The following NAGS variants were observed in gnomAD, a reference collection of about 807,000 sequenced individuals.
NAGS encodes the protein N-acetylglutamate synthase, mitochondrial.
Under a neutral mutation model 46.9 loss-of-function variants are expected in NAGS, and 34 were observed. The ratio of observed to expected loss-of-function variants is 0.72; its 90% CI spans 0.55 to 0.97. The LOEUF (loss-of-function observed/expected upper bound fraction) is 0.97. NAGS is among the 50% of genes least tolerant of loss of function. The pLI is 0.00. For missense variants in NAGS, 665 were observed against 747.0 expected (o/e 0.89, Z 1.28); for synonymous variants, 334 against 346.3 (o/e 0.96, Z 0.39).
rs758080404 is a variant in NAGS at position 44,006,233 on chromosome 17, A to G, written c.911A>G (p.His304Arg). ...ACAGGCGGCCTGCGCGACAGCAGTC[A>G]TAAGGTGCGGCCCTTTCTTTCACCT... ...NNTGGLRDSS[H>R]KVLSNVNLPA... is the part of the protein sequence containing the mutation. Residue 304 changes from histidine (H) to arginine (R), a missense_variant, in exon 3 of 7, where the codon CAT becomes CGT. Transcript: ENST00000293404. The surrounding 1 kb of genome is among the most constrained non-coding windows in gnomAD (Gnocchi z 4.8). 1.2e-6 allele frequency: 2 copies of G among 1,613,100 alleles called. No homozygotes were observed. The highest frequency in any genetic ancestry group is 1.1e-5 in the South Asian group (1 of 91,060).
rs1191583584 is a variant in NAGS, at chr17:44,004,670, A to G, written c.7A>G (p.Thr3Ala). The change falls in exon 1 of 7, where the codon ACG becomes GCG. Residue 3 changes from threonine (T) to alanine (A), a missense_variant. Physicochemically the swap from Thr to Ala is moderately conservative, Grantham distance 58 (BLOSUM62 0). Transcript: ENST00000293404. The stretch of plus-strand genomic sequence containing the variant: ...GCAAGAGTTGGTTGTCGTCATGGCG[A>G]CGGCGCTGATGGCTGTGGTTCTGCG... MATALMAVVLRAA... is the reference protein window; with the variant it reads MAAALMAVVLRAA... 5.9e-6 allele frequency: 9 copies of G among 1,533,656 alleles called. No homozygotes were observed. The highest frequency in any genetic ancestry group is 7.9e-6 in the Non-Finnish European group (9 of 1,138,066).
In NAGS at chr17:44,005,946, G is replaced by C. The variant is rs1046230783; in HGVS notation, c.701+35G>C. 4 of 1,550,208 alleles carry C rather than the reference G, an allele frequency of 2.6e-6. No individual in the cohort carries two copies. Among genetic ancestry groups the C allele is most frequent in the South Asian group, 1.2e-5 (1 of 85,070 alleles). On this transcript the variant is annotated intron_variant, in intron 2 of 6. Coordinates refer to ENST00000293404, the MANE Select transcript of NAGS (RefSeq NM_153006.3). This position sits in a 1 kb window ranked among gnomAD's most constrained non-coding sequence, Gnocchi z 7.2. ...CGCCCTGCCCGCCCAGGCGTCCTCA[G>C]AGCGTGCTACTCTGCCCGCCCTGCC...
chr17:44,006,374 A>T lies in NAGS; in HGVS notation c.915+137A>T. On this transcript the variant is annotated intron_variant, in intron 3 of 6. Coordinates refer to ENST00000293404, the MANE Select transcript of NAGS (RefSeq NM_153006.3). This position sits in a 1 kb window ranked among gnomAD's most constrained non-coding sequence, Gnocchi z 4.8. Reference sequence around the variant, plus strand: ...AAAGCCTAAGGGAGTATAGGGGAGGAGTTCAGCCCTGGGTGCCCAGATCTG... The same window carrying T: ...AAAGCCTAAGGGAGTATAGGGGAGGTGTTCAGCCCTGGGTGCCCAGATCTG... 1 of 1,439,220 alleles carries T rather than the reference A, an allele frequency of 6.9e-7. No homozygotes were observed. Among genetic ancestry groups the T allele is most frequent in the Non-Finnish European group, 9.5e-7 (1 of 1,048,934 alleles). 89.2% of individuals were successfully genotyped at this position (1,439,220 alleles called of 1,614,324 possible).
In NAGS at chr17:44,006,453, A is replaced by C; in HGVS notation, c.916-76A>C. 6.5e-7 allele frequency: 1 copy of C among 1,538,208 alleles called. No individual in the cohort carries two copies. Among genetic ancestry groups the C allele is most frequent in the South Asian group, 1.2e-5 (1 of 83,592 alleles). On this transcript the variant is annotated intron_variant, in intron 3 of 6. Coordinates refer to ENST00000293404, the MANE Select transcript of NAGS (RefSeq NM_153006.3). The surrounding 1 kb of genome is among the most constrained non-coding windows in gnomAD (Gnocchi z 4.8). Reference sequence around the variant, plus strand: ...GAAGTAAGGATAAAGGGGTCAGAGAAAAGAGAGGTCCGTGGGGGTAGGGGG... The same window carrying C: ...GAAGTAAGGATAAAGGGGTCAGAGACAAGAGAGGTCCGTGGGGGTAGGGGG...
Position 44,006,174 on chromosome 17 carries a change from G to A in NAGS, c.852G>A (p.Ala284=), listed in dbSNP as rs781691544. The change falls in exon 3 of 7, where the codon GCG becomes GCA. Residue 284 remains alanine, a synonymous_variant. Coordinates refer to ENST00000293404, the MANE Select transcript of NAGS (RefSeq NM_153006.3). The surrounding 1 kb of genome is among the most constrained non-coding windows in gnomAD (Gnocchi z 4.8). ...SLEVTASLAK[A]LRPTKIIFLN... is the part of the protein sequence containing the mutation. Reference sequence around the variant, plus strand: ...AGGTGACCGCGTCGCTGGCCAAGGCGCTGCGGCCCACCAAAATCATCTTCC... The same window carrying A: ...AGGTGACCGCGTCGCTGGCCAAGGCACTGCGGCCCACCAAAATCATCTTCC... 7 of 1,613,406 alleles carry A rather than the reference G, an allele frequency of 4.3e-6. No individual in the cohort carries two copies. The East Asian group carries it at 8.9e-5, about 21-fold the overall frequency.
At position 44,006,587 on chromosome 17, in the gene NAGS, T is replaced by C. The variant is rs2049095167; in HGVS notation, c.974T>C (p.Val325Ala). 1.9e-6 allele frequency: 3 copies of C among 1,592,624 alleles called. No individual in the cohort carries two copies. Residue 325 changes from valine (V) to alanine (A), a missense_variant, in exon 4 of 7, where the codon GTG (valine) becomes GCG (alanine). Coordinates refer to ENST00000293404, the MANE Select transcript of NAGS (RefSeq NM_153006.3). The surrounding 1 kb of genome is among the most constrained non-coding windows in gnomAD (Gnocchi z 4.8). ...DLDLVCNAEW[V>A]STKERQQMRL... ...GACCTGGTGTGCAACGCCGAGTGGG[T>C]GAGCACAAAAGAACGGCAGCAGATG...
In NAGS at chr17:44,005,558, A is replaced by C; in HGVS notation, c.427-79A>C. 6.5e-7 allele frequency: 1 copy of C among 1,550,272 alleles called. No homozygotes were observed. Among genetic ancestry groups the C allele is most frequent in the East Asian group, 2.4e-5 (1 of 41,976 alleles). ...AGCTTCTGGAAGGGTAGGGTCACCGAGACGGCCCTGCAGGCCAGGCTGTGG... is the reference window on the plus strand; with the variant it reads ...AGCTTCTGGAAGGGTAGGGTCACCGCGACGGCCCTGCAGGCCAGGCTGTGG... On this transcript the variant is annotated intron_variant, in intron 1 of 6. Coordinates refer to ENST00000293404, the MANE Select transcript of NAGS (RefSeq NM_153006.3). The surrounding 1 kb of genome is among the most constrained non-coding windows in gnomAD (Gnocchi z 7.2).
Position 44,007,054 on chromosome 17 carries a change from G to A in NAGS, c.1097-269G>A, listed in dbSNP as rs944252805. 8 of 581,422 alleles carry A rather than the reference G, an allele frequency of 1.4e-5. No individual in the cohort carries two copies. Among genetic ancestry groups the A allele is most frequent in the Non-Finnish European group, 2.1e-5 (7 of 328,498 alleles). 36.0% of individuals were successfully genotyped at this position (581,422 alleles called of 1,614,324 possible). A position where few individuals can be genotyped will look rare whatever the true frequency, so the allele number is the denominator to read the frequency against. The stretch of plus-strand genomic sequence containing the variant: ...AGGTGGGTGGGCCGGGTCAGCGGCG[G>A]GAGACAGACTTCAAGGAGCGAGGCA... On this transcript the variant is annotated intron_variant, in intron 4 of 6. Transcript: ENST00000293404. This position sits in a 1 kb window ranked among gnomAD's most constrained non-coding sequence, Gnocchi z 5.1.
In NAGS at chr17:44,006,216, C is replaced by T. The variant is rs773006573; in HGVS notation, c.894C>T (p.Gly298=). 1.1e-5 allele frequency: 18 copies of T among 1,613,162 alleles called. No homozygotes were observed. Among genetic ancestry groups the T allele is most frequent in the African/African-American group, 9.3e-5 (7 of 74,948 alleles). ...TKIIFLNNTG[G]LRDSSHKVLS... ...TCATCTTCCTCAATAACACAGGCGG[C>T]CTGCGCGACAGCAGTCATAAGGTGC... is the stretch of plus-strand genomic sequence containing the variant. The change falls in exon 3 of 7, where the codon GGC becomes GGT. Residue 298 remains glycine, a synonymous_variant. Transcript: ENST00000293404. The surrounding 1 kb of genome is among the most constrained non-coding windows in gnomAD (Gnocchi z 4.8).
chr17:44,007,175 C>A lies in NAGS; in HGVS notation c.1097-148C>A. 1.4e-6 allele frequency: 1 copy of A among 732,438 alleles called. No homozygotes were observed. Among genetic ancestry groups the A allele is most frequent in the Non-Finnish European group, 2.2e-6 (1 of 453,178 alleles). The allele number at this position is 732,438 out of a possible 1,614,324, so 45.4% of individuals were successfully genotyped here. On this transcript the variant is annotated intron_variant, in intron 4 of 6. Transcript: ENST00000293404. This position sits in a 1 kb window ranked among gnomAD's most constrained non-coding sequence, Gnocchi z 5.1. ...CATCTCCTTGAATGAAAATCACAGA[C>A]AAATCTATGCAGACCACTGAAATCA... is the stretch of plus-strand genomic sequence containing the variant.
chr17:44,007,883 C>A lies in NAGS; in HGVS notation c.1451+110C>A. 1 of 1,092,380 alleles carries A rather than the reference C, an allele frequency of 9.2e-7. No individual in the cohort carries two copies. The allele number at this position is 1,092,380 out of a possible 1,614,324, so 67.7% of individuals were successfully genotyped here. ...GCTTCCTCTTCTTCCACTGGTCTCC[C>A]TTTCACTACCTCCCAGGGGCAGAAC... On this transcript the variant is annotated intron_variant, in intron 6 of 6. Transcript: ENST00000293404. The surrounding 1 kb of genome is among the most constrained non-coding windows in gnomAD (Gnocchi z 5.1).
rs747172658 is a variant in NAGS at position 44,004,767 on chromosome 17, C to T, written c.104C>T (p.Ala35Val). The T allele has an allele frequency of 7.2e-7, 1 of 1,397,204 alleles. No homozygotes were observed. The highest frequency in any genetic ancestry group is 9.2e-7 in the Non-Finnish European group (1 of 1,081,824). The allele number at this position is 1,397,204 out of a possible 1,614,324, so 86.6% of individuals were successfully genotyped here. Residue 35 changes from alanine (A) to valine (V), a missense_variant, in exon 1 of 7, where the codon GCG becomes GTG. By Grantham distance (64) the Ala-to-Val change is moderately conservative. Coordinates refer to ENST00000293404, the MANE Select transcript of NAGS (RefSeq NM_153006.3). ...TGGARRLSCG[A>V]RRRAARGTSP... ...GGCGCCCGAAGGCTGAGCTGTGGCGCGCGGCGGCGGGCGGCGAGGGGCACC... is the reference window on the plus strand; with the variant it reads ...GGCGCCCGAAGGCTGAGCTGTGGCGTGCGGCGGCGGGCGGCGAGGGGCACC...
In NAGS at chr17:44,005,280, G is replaced by A. The variant is rs986412140; in HGVS notation, c.426+191G>A. ...CCTCCGGAAGCCTCCCGCCCAGCCC[G>A]AGTGAGGATCCTGGGGGACCCCACC... On this transcript the variant is annotated intron_variant, in intron 1 of 6. Transcript: ENST00000293404. This position sits in a 1 kb window ranked among gnomAD's most constrained non-coding sequence, Gnocchi z 7.2. 6.6e-6 allele frequency among the ~76,000 whole-genome samples: 1 copy of A among 152,198 alleles called. No homozygotes were observed. The highest frequency in any genetic ancestry group is 2.4e-5 in the African/African-American group (1 of 41,462).
At position 44,006,730 on chromosome 17, in the gene NAGS, G is replaced by C; in HGVS notation, c.1096+21G>C. 1 of 1,578,006 alleles carries C rather than the reference G, an allele frequency of 6.3e-7. No homozygotes were observed. The highest frequency in any genetic ancestry group is 8.6e-7 in the Non-Finnish European group (1 of 1,158,562). ...CAAGGGTGAGGGCGGTGGGCGGGCC[G>C]GGGACTGGGTCCCGGGAGTGAGTAC... On this transcript the variant is annotated intron_variant, in intron 4 of 6. Coordinates refer to ENST00000293404, the MANE Select transcript of NAGS (RefSeq NM_153006.3). This position sits in a 1 kb window ranked among gnomAD's most constrained non-coding sequence, Gnocchi z 4.8.
At position 44,005,890 on chromosome 17, in the gene NAGS, C is replaced by A; in HGVS notation, c.680C>A (p.Ala227Asp). The A allele has an allele frequency of 6.5e-7, 1 of 1,547,884 alleles. No homozygotes were observed. Among genetic ancestry groups the A allele is most frequent in the South Asian group, 1.2e-5 (1 of 84,552 alleles). Residue 227 changes from alanine to aspartate, a missense_variant, in exon 2 of 7, where the codon GCC (alanine) becomes GAC (aspartate). Physicochemically the swap from Ala to Asp is moderately radical, Grantham distance 126. Coordinates refer to ENST00000293404, the MANE Select transcript of NAGS (RefSeq NM_153006.3). This position sits in a 1 kb window ranked among gnomAD's most constrained non-coding sequence, Gnocchi z 7.2. ...FFGGGSVLRAAEPAPHASYGG... is the reference protein window; with the variant it reads ...FFGGGSVLRADEPAPHASYGG... Reference sequence around the variant, plus strand: ...GGCGGCGGGTCTGTGCTACGCGCTGCCGAGCCGGCTCCCCATGCCAGGTGA... The same window carrying A: ...GGCGGCGGGTCTGTGCTACGCGCTGACGAGCCGGCTCCCCATGCCAGGTGA...
chr17:44,008,573 A>C lies in NAGS; in HGVS notation c.1577A>C (p.His526Pro). 6.2e-7 allele frequency: 1 copy of C among 1,614,178 alleles called. No individual in the cohort carries two copies. The highest frequency in any genetic ancestry group is 8.5e-7 in the Non-Finnish European group (1 of 1,180,022). Residue 526 changes from histidine (H) to proline (P), a missense_variant, in exon 7 of 7, where the codon CAC (histidine) becomes CCC (proline). Physicochemically the swap from His to Pro is moderately conservative, Grantham distance 77 (BLOSUM62 -2). Transcript: ENST00000293404. ...NHAKGLPDSF[H>P]KPASDPGS Reference sequence around the variant, plus strand: ...GCCAAGGGACTGCCAGACTCCTTTCACAAGCCAGCTTCTGACCCAGGCAGC... The same window carrying C: ...GCCAAGGGACTGCCAGACTCCTTTCCCAAGCCAGCTTCTGACCCAGGCAGC...
chr17:44,008,356 C>T, intron 6 of NAGS, 92 bp from the exon 7 acceptor site: 2 of 1,496,222 alleles, frequency 1.3e-6, no homozygotes, highest in African/African-American at 1.4e-5. Context: ...GCAGTAGGTC[C>T]TCAATCAATG....
rs910094479 is a variant in NAGS, at chr17:44,007,733, C to G, written c.1411C>G (p.Leu471Val). 3.8e-6 allele frequency: 6 copies of G among 1,595,478 alleles called. No individual in the cohort carries two copies. The East Asian group carries it at 1.1e-4, about 30-fold the overall frequency. Residue 471 changes from leucine to valine, a missense_variant, in exon 6 of 7, where the codon CTT becomes GTT. Transcript: ENST00000293404. This position sits in a 1 kb window ranked among gnomAD's most constrained non-coding sequence, Gnocchi z 5.1. ...GTGCCTGCGGCGGGACCTTCAGACACTTTTCTGGCGCTCCCGGGTCACCAA... is the reference window on the plus strand; with the variant it reads ...GTGCCTGCGGCGGGACCTTCAGACAGTTTTCTGGCGCTCCCGGGTCACCAA... ...WECLRRDLQTLFWRSRVTNPI... is the reference protein window; with the variant it reads ...WECLRRDLQTVFWRSRVTNPI...
rs147955201 is a variant in NAGS at position 44,006,336 on chromosome 17, C to T, written c.915+99C>T. 6.4e-5 allele frequency: 97 copies of T among 1,505,320 alleles called. No individual in the cohort carries two copies. In the African/African-American group the frequency reaches 1.3e-3, roughly 20 times the overall value. The allele number at this position is 1,505,320 out of a possible 1,614,324, so 93.2% of individuals were successfully genotyped here. A position where few individuals can be genotyped will look rare whatever the true frequency, so the allele number is the denominator to read the frequency against. On this transcript the variant is annotated intron_variant, in intron 3 of 6. Transcript: ENST00000293404. This position sits in a 1 kb window ranked among gnomAD's most constrained non-coding sequence, Gnocchi z 4.8. ...GACGGGCCGCAGACTCACTAGCAAG[C>T]CGGGTGGGTAGAAAAGCCTAAGGGA...
Sources: gnomAD v4.1 joint callset for allele counts (sites outside exome capture counted in the v4.1 genomes callset) on GRCh38, gnomAD v4.1.1 for gene constraint, Gnocchi (gnomAD v3.1) non-coding constraint, MANE v1.5 for transcripts, NCBI Gene and HGNC (gene_info 2026-07-23, HGNC 2026-07-21) for gene names.